The following THSD7A variants were observed in gnomAD, a reference collection of about 807,000 sequenced individuals.
THSD7A encodes thrombospondin type 1 domain containing 7A.
THSD7A carries 96 observed loss-of-function variants against 231.3 expected under a neutral mutation model. The ratio of observed to expected loss-of-function variants is 0.41; its 90% CI spans 0.35 to 0.49. The LOEUF is 0.49. Among genes scored for constraint, THSD7A ranks in the 20% least tolerant of loss-of-function variants. THSD7A has a pLI of 0.05. For synonymous variants in THSD7A, 940 were observed against 743.3 expected, an observed-to-expected ratio of 1.26 and a Z score of -4.30; for missense variants, 2,290 against 2,070.2, an observed-to-expected ratio of 1.11 and a Z score of -2.06.
intron 1 of THSD7A, among the ~76,000 whole-genome samples, chr7:11,714,582 G>C (rs778357752): frequency 5.9e-5 from 9 of 151,278 alleles, no homozygotes; most frequent in Non-Finnish European, 1.3e-4. Flanking sequence ...AACACAGCTA[G>C]TAGTGTTAGA....
chr7:11,778,184 C>G (rs967519322), intron 1 of THSD7A, among the ~76,000 whole-genome samples: 2 of 128,030 alleles, frequency 1.6e-5, no homozygotes, highest in Non-Finnish European at 3.4e-5. Context: ...AAAAAGAAAG[C>G]CCTTTCCTAT....
chr7:11,669,322 A>G (rs924959314), intron 1 of THSD7A, among the ~76,000 whole-genome samples: 4 of 152,052 alleles, frequency 2.6e-5, no homozygotes, highest in African/African-American at 9.7e-5. Flanking sequence ...TTTTTCGGAC[A>G]TCAATATTTA....
intron 1 of THSD7A, among the ~76,000 whole-genome samples, chr7:11,709,266 G>C (rs1263761431): frequency 6.6e-6 from 1 of 150,594 alleles, no homozygotes; most frequent in African/African-American, 2.4e-5. Context: ...TAACTAGTAG[G>C]TACCCAATGG....
intron 1 of THSD7A, among the ~76,000 whole-genome samples, chr7:11,737,673 C>A (rs1583241607): frequency 1.3e-5 from 2 of 152,056 alleles, no homozygotes; most frequent in Middle Eastern, 6.8e-3. Flanking sequence ...CTCCAATGAG[C>A]AAGTTCTAGA....
chr7:11,396,203 T>A (rs1248094082), intron 23 of THSD7A, among the ~76,000 whole-genome samples: 1 of 152,148 alleles, frequency 6.6e-6, no homozygotes, highest in East Asian at 1.9e-4. Context: ...AGGAAAGATC[T>A]AAAATCAACA....
intron 4 of THSD7A, among the ~76,000 whole-genome samples, chr7:11,587,796 T>C (rs1779975935): frequency 6.6e-6 from 1 of 152,338 alleles, no homozygotes; most frequent in East Asian, 1.9e-4. Context: ...TTCCCCTGTG[T>C]AACACAATGC....
chr7:11,670,852 C>T (rs1783358455), intron 1 of THSD7A, among the ~76,000 whole-genome samples: 1 of 152,130 alleles, frequency 6.6e-6, no homozygotes, highest in South Asian at 2.1e-4. Context: ...ATATTTCTGC[C>T]TCTTTACTGA....
intron 4 of THSD7A, among the ~76,000 whole-genome samples, chr7:11,549,853 C>T (rs958016766): frequency 6.6e-6 from 1 of 152,018 alleles, no homozygotes; most frequent in Non-Finnish European, 1.5e-5. Flanking sequence ...ACAGGTGCAG[C>T]AAATCACCAT....
At chr7:11,436,871 A>G (rs1159380138) in intron 13 of THSD7A, among the ~76,000 whole-genome samples, 1 of 152,048 alleles carries the variant, frequency 6.6e-6, no homozygotes, top group African/African-American at 2.4e-5. Flanking sequence ...TATTTGGATA[A>G]ATTTCCTGTT....
chr7:11,806,118 A>G (rs1241542895), intron 1 of THSD7A, among the ~76,000 whole-genome samples: 1 of 152,106 alleles, frequency 6.6e-6, no homozygotes, highest in African/African-American at 2.4e-5. Flanking sequence ...TAATTTTTGT[A>G]AACAAATTAG....
intron 6 of THSD7A, among the ~76,000 whole-genome samples, chr7:11,520,987 C>T (rs75060768): frequency 2.0e-5 from 3 of 152,138 alleles, no homozygotes; most frequent in Non-Finnish European, 2.9e-5. Context: ...GAAATCAGAA[C>T]GCTGACTGTG....
chr7:11,678,569 C>T (rs1331324953), intron 1 of THSD7A, among the ~76,000 whole-genome samples: 3 of 152,130 alleles, frequency 2.0e-5, no homozygotes, highest in Non-Finnish European at 4.4e-5. Context: ...CTATTAACAC[C>T]TCTATGCAAA....
At chr7:11,615,562 T>C (rs1363029828) in intron 2 of THSD7A, among the ~76,000 whole-genome samples, 1 of 152,230 alleles carries the variant, frequency 6.6e-6, no homozygotes, top group Non-Finnish European at 1.5e-5. Context: ...TTCTAATGAA[T>C]TCACCTATGT....
chr7:11,674,027 C>A (rs1174344327), intron 1 of THSD7A, among the ~76,000 whole-genome samples: 1 of 151,858 alleles, frequency 6.6e-6, no homozygotes, highest in East Asian at 2.0e-4. Context: ...GCAGACATAC[C>A]CAACACACAC....
chr7:11,406,894 T>G lies in THSD7A; in HGVS notation c.4062+16A>C, dbSNP rs914986245. ...ATAGAGTACACACTTCCTGACAACTTCTTGAGATTTGATACCTGCACTTGG... is the reference window on the plus strand; with the variant it reads ...ATAGAGTACACACTTCCTGACAACTGCTTGAGATTTGATACCTGCACTTGG... On this transcript the variant is annotated intron_variant, in intron 21 of 27. Coordinates refer to ENST00000423059, the MANE Select transcript of THSD7A (RefSeq NM_015204.3). This position sits in a 1 kb window ranked among gnomAD's most constrained non-coding sequence, Gnocchi z 4.7. 1.2e-6 allele frequency: 2 copies of G among 1,613,518 alleles called. No homozygotes were observed. Among genetic ancestry groups the G allele is most frequent in the African/African-American group, 2.7e-5 (2 of 75,004 alleles).
chr7:11,737,970 G>C (rs9691513), intron 1 of THSD7A, among the ~76,000 whole-genome samples: 28,491 of 151,838 alleles, frequency 0.19, 3,427 homozygotes, highest in African/African-American at 0.33. Context: ...TAAACTGCAT[G>C]ACTCTCTCAT....
chr7:11,678,706 T>C (rs1584197394), intron 1 of THSD7A, among the ~76,000 whole-genome samples: 1 of 152,108 alleles, frequency 6.6e-6, no homozygotes, highest in South Asian at 2.1e-4. Flanking sequence ...TAGTAATTAA[T>C]AGCCTACCAA....
At chr7:11,805,114 T>C (rs905552761) in intron 1 of THSD7A, among the ~76,000 whole-genome samples, 1 of 152,162 alleles carries the variant, frequency 6.6e-6, no homozygotes, top group Non-Finnish European at 1.5e-5. Flanking sequence ...GCCTCTACTG[T>C]GTCCCTGAGT....
chr7:11,565,573 T>C (rs1790274368), intron 4 of THSD7A, among the ~76,000 whole-genome samples: 1 of 152,074 alleles, frequency 6.6e-6, no homozygotes, highest in African/African-American at 2.4e-5. Context: ...CAGATAAATA[T>C]TGAAAGCAGA....
Sources: gnomAD v4.1 joint callset for allele counts (sites outside exome capture counted in the v4.1 genomes callset) on GRCh38, gnomAD v4.1.1 for gene constraint, Gnocchi (gnomAD v3.1) non-coding constraint, MANE v1.5 for transcripts, NCBI Gene and HGNC (gene_info 2026-07-23, HGNC 2026-07-21) for gene names.